Variants in COL13A1 observed in about 807,000 individuals in gnomAD.
COL13A1 encodes the protein collagen alpha-1(XIII) chain.
A neutral mutation model predicts 130.9 loss-of-function variants in COL13A1; 89 were observed. The ratio of observed to expected loss-of-function variants is 0.68; its 90% confidence interval spans 0.57 to 0.81. COL13A1 has a LOEUF of 0.81. COL13A1 is among the 30% of genes least tolerant of loss of function. The pLI is 0.00. For synonymous variants in COL13A1, 402 were observed against 341.6 expected (o/e 1.18, Z -1.95); for missense variants, 879 against 934.6 (o/e 0.94, Z 0.78).
chr10:69,889,736 G>A (rs529169559), intron 10 of COL13A1, among the ~76,000 whole-genome samples: 15 of 152,266 alleles, frequency 9.9e-5, no homozygotes, highest in Admixed American at 4.6e-4. Context: ...AACCACACTC[G>A]CATGGGCCTT....
rs1472787991 is a variant in COL13A1, at chr10:69,944,129, C to T, written c.1919C>T (p.Thr640Ile). 1.2e-6 allele frequency: 2 copies of T among 1,613,704 alleles called. No individual in the cohort carries two copies. The highest frequency in any genetic ancestry group is 1.7e-6 in the Non-Finnish European group (2 of 1,179,670). ...TGCTTTCTTTCCCCTTCCCAGGGTA[C>T]TCCAGGACCAATTGGAGTTCCAGGC... ...GLDGRPGPPG[T>I]PGPIGVPGPA... The change falls in exon 36 of 41, where the codon ACT becomes ATT. Residue 640 changes from threonine (T) to isoleucine (I), a missense_variant. Thr to Ile is a moderately conservative substitution (Grantham distance 89). Transcript: ENST00000645393.
intron 17 of COL13A1, among the ~76,000 whole-genome samples, chr10:69,912,155 C>CT (rs2063450111): frequency 6.6e-6 from 1 of 152,198 alleles, no homozygotes; most frequent in South Asian, 2.1e-4. Context: ...GCACTCTGGG[C>CT]TTTGTTTTTC....
intron 2 of COL13A1, among the ~76,000 whole-genome samples, chr10:69,862,710 A>G (rs572245893): frequency 6.6e-6 from 1 of 152,158 alleles, no homozygotes; most frequent in African/African-American, 2.4e-5. Flanking sequence ...TGGTCCCGGG[A>G]GGCAGGCAGA....
chr10:69,831,128 T>C (rs1393109442), intron 2 of COL13A1, among the ~76,000 whole-genome samples: 1 of 152,254 alleles, frequency 6.6e-6, no homozygotes, highest in African/African-American at 2.4e-5. Context: ...GTTGTTGAAT[T>C]AGAGGATGTT....
chr10:69,845,440 ACCTCAG>A, intron 2 of COL13A1, among the ~76,000 whole-genome samples: 1 of 151,974 alleles, frequency 6.6e-6, no homozygotes, highest in East Asian at 1.9e-4. Flanking sequence ...TGATCCACCC[ACCTCAG>A]CCTGCCAAAG....
chr10:69,923,756 C>G, intron 23 of COL13A1, 46 bp from the exon 24 acceptor site: 4 of 1,589,032 alleles, frequency 2.5e-6, no homozygotes, highest in Non-Finnish European at 3.4e-6. Context: ...AAGCAGCTGT[C>G]CAGGTGCCCA....
chr10:69,927,134 T>A (rs2065472781), intron 27 of COL13A1, 24 bp downstream of exon 27: 14 of 1,606,282 alleles, frequency 8.7e-6, no homozygotes, highest in Non-Finnish European at 1.2e-5. Flanking sequence ...CTCCTGGCTT[T>A]CCTTGGGCAC....
intron 1 of COL13A1, among the ~76,000 whole-genome samples, chr10:69,813,742 C>T (rs1250800333): frequency 6.6e-6 from 1 of 152,190 alleles, no homozygotes; most frequent in Non-Finnish European, 1.5e-5. Context: ...TTTCACCCTG[C>T]CAAGCTGCCT....
chr10:69,807,313 C>T (rs971794543), intron 1 of COL13A1, among the ~76,000 whole-genome samples: 3 of 152,164 alleles, frequency 2.0e-5, no homozygotes, highest in Non-Finnish European at 2.9e-5. Flanking sequence ...CTCCCACTAT[C>T]TGTGATTCAT....
intron 10 of COL13A1, among the ~76,000 whole-genome samples, chr10:69,890,749 A>G (rs910498230): frequency 6.6e-6 from 1 of 152,210 alleles, no homozygotes; most frequent in Non-Finnish European, 1.5e-5. Flanking sequence ...ACTAATATTT[A>G]TTGAGGGTTT....
intron 1 of COL13A1, among the ~76,000 whole-genome samples, chr10:69,810,356 GA>G (rs1842676992): frequency 1.4e-5 from 2 of 141,478 alleles, no homozygotes; most frequent in African/African-American, 5.3e-5. Context: ...ATGAGAGAGA[GA>G]GAGAGAGAGA....
At chr10:69,876,952 C>T (rs1197271589) in intron 5 of COL13A1, among the ~76,000 whole-genome samples, 1 of 152,202 alleles carries the variant, frequency 6.6e-6, no homozygotes, top group African/African-American at 2.4e-5. Flanking sequence ...TCCTGTCCTC[C>T]TTCTTGGGCC....
intron 27 of COL13A1, among the ~76,000 whole-genome samples, chr10:69,928,506 C>T (rs2065670367): frequency 6.6e-6 from 1 of 152,206 alleles, no homozygotes; most frequent in African/African-American, 2.4e-5. Context: ...TTGAGATGCA[C>T]CCTTGTCATC....
At chr10:69,953,480 A>G (rs2070009724) in intron 39 of COL13A1, among the ~76,000 whole-genome samples, 1 of 152,218 alleles carries the variant, frequency 6.6e-6, no homozygotes, top group South Asian at 2.1e-4. Flanking sequence ...CTTCTAATGC[A>G]CAGCCTCCCA....
At chr10:69,901,430 T>C (rs1329314906) in intron 14 of COL13A1, among the ~76,000 whole-genome samples, 2 of 152,224 alleles carry the variant, frequency 1.3e-5, no homozygotes, top group Non-Finnish European at 1.5e-5. Context: ...TCACCACCAC[T>C]TCCCTCTAGA....
chr10:69,905,582 C>A (rs544251475), intron 16 of COL13A1, among the ~76,000 whole-genome samples: 4 of 152,172 alleles, frequency 2.6e-5, no homozygotes, highest in Non-Finnish European at 5.9e-5. Flanking sequence ...CAAAGTGGAG[C>A]CTGTTCTCAA....
At chr10:69,933,998 C>T (rs187172351) in intron 31 of COL13A1, among the ~76,000 whole-genome samples, 290 of 151,892 alleles carry the variant, frequency 1.9e-3, no homozygotes, top group African/African-American at 4.5e-3. Context: ...GAGTTGAAAA[C>T]GAAATTTTAT....
chr10:69,957,105 A>G, intron 40 of COL13A1, 63 bp downstream of exon 40: 3 of 1,400,702 alleles, frequency 2.1e-6, no homozygotes, highest in Non-Finnish European at 3.0e-6. Flanking sequence ...AGCTTCCACA[A>G]TTTCCATTCT....
At chr10:69,862,188 G>T (rs1471358634) in intron 2 of COL13A1, among the ~76,000 whole-genome samples, 1 of 152,142 alleles carries the variant, frequency 6.6e-6, no homozygotes, top group Non-Finnish European at 1.5e-5. Flanking sequence ...TTTGCTAATG[G>T]TGGGCTGTTC....
Sources: gnomAD v4.1 joint callset for allele counts (sites outside exome capture counted in the v4.1 genomes callset) on GRCh38, gnomAD v4.1.1 for gene constraint, MANE v1.5 for transcripts, NCBI Gene and HGNC (gene_info 2026-07-23, HGNC 2026-07-21) for gene names.